The following MLLT3 variants were observed in gnomAD, a reference collection of about 807,000 sequenced individuals.
MLLT3 encodes MLLT3 super elongation complex subunit.
Under a neutral mutation model 53.2 loss-of-function variants are expected in MLLT3, and 4 were observed. The observed-to-expected ratio is 0.08, with a 90% CI of 0.04 to 0.17. The LOEUF is 0.17. MLLT3 is among the 10% of genes least tolerant of loss of function. MLLT3 has a pLI of 1.00. For missense variants in MLLT3, 569 were observed against 684.0 expected, an observed-to-expected ratio of 0.83 and a Z score of 1.87; for synonymous variants, 283 against 230.6, an observed-to-expected ratio of 1.23 and a Z score of -2.06.
intron 2 of MLLT3, among the ~76,000 whole-genome samples, chr9:20,562,177 T>C (rs979884067): frequency 6.6e-6 from 1 of 152,188 alleles, no homozygotes; most frequent in Non-Finnish European, 1.5e-5. Context: ...AGGGCTATTA[T>C]ACTAAGTGAC....
At chr9:20,580,065 C>G (rs1036286260) in intron 2 of MLLT3, among the ~76,000 whole-genome samples, 2 of 152,164 alleles carry the variant, frequency 1.3e-5, no homozygotes, top group African/African-American at 2.4e-5. Flanking sequence ...ACCACCTTAG[C>G]AAGACCCAAG....
chr9:20,586,465 T>A (rs1002894699), intron 2 of MLLT3, among the ~76,000 whole-genome samples: 15 of 151,652 alleles, frequency 9.9e-5, no homozygotes, highest in African/African-American at 3.4e-4. Flanking sequence ...ATCACTGACT[T>A]CGTACATAAC....
chr9:20,387,449 A>G (rs1177930100), intron 5 of MLLT3, among the ~76,000 whole-genome samples: 1 of 152,166 alleles, frequency 6.6e-6, no homozygotes, highest in Non-Finnish European at 1.5e-5. Context: ...TTGAAAACAC[A>G]ATTTTGGCTT....
chr9:20,586,815 A>C (rs1392388516), intron 2 of MLLT3, among the ~76,000 whole-genome samples: 3 of 152,178 alleles, frequency 2.0e-5, no homozygotes, highest in Non-Finnish European at 1.5e-5. Flanking sequence ...AGAGGGGAGC[A>C]AGTTGGGAGG....
chr9:20,585,900 A>G (rs1297125703), intron 2 of MLLT3, among the ~76,000 whole-genome samples: 1 of 152,174 alleles, frequency 6.6e-6, no homozygotes, highest in Non-Finnish European at 1.5e-5. Context: ...TAATTGAGGG[A>G]GAAACAGTGA....
chr9:20,436,715 GC>G (rs1488082203), intron 4 of MLLT3, among the ~76,000 whole-genome samples: 1 of 152,064 alleles, frequency 6.6e-6, no homozygotes, highest in Non-Finnish European at 1.5e-5. Context: ...AGTATTTGAT[GC>G]CTTAGTTTAC....
At chr9:20,444,643 G>C (rs903249251) in intron 4 of MLLT3, among the ~76,000 whole-genome samples, 8 of 152,102 alleles carry the variant, frequency 5.3e-5, no homozygotes, top group Non-Finnish European at 7.4e-5. Context: ...GAGGCCGAGG[G>C]GGGCTGATCA....
chr9:20,501,474 G>A (rs1029638286), intron 2 of MLLT3, among the ~76,000 whole-genome samples: 7 of 152,218 alleles, frequency 4.6e-5, no homozygotes, highest in South Asian at 2.1e-4. Flanking sequence ...ACACCCGGCC[G>A]GGCACGGTGG....
chr9:20,497,143 A>G (rs1388071440), intron 2 of MLLT3, among the ~76,000 whole-genome samples: 1 of 152,236 alleles, frequency 6.6e-6, no homozygotes, highest in East Asian at 1.9e-4. Context: ...TGTAGTATCC[A>G]GTAGTAAATG....
At chr9:20,522,054 C>T (rs776736605) in intron 2 of MLLT3, among the ~76,000 whole-genome samples, 8 of 146,826 alleles carry the variant, frequency 5.4e-5, no homozygotes, top group Non-Finnish European at 1.5e-5. Context: ...AAACTTTCCT[C>T]ATTAAACTGA....
intron 4 of MLLT3, among the ~76,000 whole-genome samples, 164 bp downstream of exon 4, chr9:20,447,959 A>G (rs914095196): frequency 6.6e-6 from 1 of 152,144 alleles, no homozygotes; most frequent in Admixed American, 6.6e-5. Context: ...CTACCTGTTC[A>G]TCTCAACACA....
intron 4 of MLLT3, among the ~76,000 whole-genome samples, chr9:20,432,591 G>C (rs1041780715): frequency 6.6e-6 from 1 of 151,970 alleles, no homozygotes. Context: ...CATACAGGGT[G>C]GGGGGAAAAA....
At chr9:20,508,372 A>G (rs371751178) in intron 2 of MLLT3, among the ~76,000 whole-genome samples, 82 of 152,314 alleles carry the variant, frequency 5.4e-4, no homozygotes, top group African/African-American at 1.9e-3. Flanking sequence ...ATCCACTAAA[A>G]GGAGAATGAA....
chr9:20,380,687 G>A (rs1299608677), intron 5 of MLLT3, among the ~76,000 whole-genome samples: 2 of 151,892 alleles, frequency 1.3e-5, no homozygotes, highest in South Asian at 2.1e-4. Flanking sequence ...ACCATAGACC[G>A]AAAAGCAAGG....
chr9:20,557,676 C>T (rs1360693450), intron 2 of MLLT3, among the ~76,000 whole-genome samples: 1 of 152,158 alleles, frequency 6.6e-6, no homozygotes, highest in Non-Finnish European at 1.5e-5. Context: ...GAGAAAGGCA[C>T]TAGTGAGAAT....
intron 4 of MLLT3, among the ~76,000 whole-genome samples, chr9:20,444,955 G>A (rs889021165): frequency 6.6e-6 from 1 of 151,506 alleles, no homozygotes. Context: ...AGTAAATGTG[G>A]TGGCGTGCAT....
chr9:20,394,897 C>T (rs1018156111), intron 5 of MLLT3, among the ~76,000 whole-genome samples: 11 of 152,152 alleles, frequency 7.2e-5, no homozygotes, highest in African/African-American at 2.4e-4. Context: ...GCCCACCCTC[C>T]CCCACCAACT....
chr9:20,611,962 A>T (rs113442646), intron 2 of MLLT3, among the ~76,000 whole-genome samples: 175 of 152,278 alleles, frequency 1.1e-3, no homozygotes, highest in African/African-American at 4.0e-3. Flanking sequence ...ATCTCAAAGG[A>T]AAACTTTAAT....
intron 2 of MLLT3, among the ~76,000 whole-genome samples, chr9:20,557,977 G>A (rs1819105946): frequency 6.6e-6 from 1 of 152,100 alleles, no homozygotes; most frequent in African/African-American, 2.4e-5. Context: ...AAAAATAACT[G>A]GATAGACGAT....
Sources: gnomAD v4.1 joint callset for allele counts (sites outside exome capture counted in the v4.1 genomes callset) on GRCh38, gnomAD v4.1.1 for gene constraint, MANE v1.5 for transcripts, NCBI Gene and HGNC (gene_info 2026-07-23, HGNC 2026-07-21) for gene names.